The following QKI variants were observed in gnomAD, a reference collection of about 807,000 sequenced individuals.
The protein encoded by QKI is QKI, KH domain containing RNA binding, also known as KH domain-containing RNA-binding protein QKI.
In QKI, 10 loss-of-function variants were observed where a neutral mutation model predicts 39.0. That is an observed-to-expected ratio of 0.26 (90% CI 0.16 to 0.43). The LOEUF (loss-of-function observed/expected upper bound fraction) is 0.43, where lower values mean the gene tolerates loss of function less well. QKI is among the 20% of genes least tolerant of loss of function. The pLI, the probability that QKI is intolerant of heterozygous loss-of-function variation, is 1.00. For synonymous variants in QKI, 204 were observed against 155.4 expected, an observed-to-expected ratio of 1.31 and a Z score of -2.33; for missense variants, 218 against 428.0, an observed-to-expected ratio of 0.51 and a Z score of 4.33.
At chr6:163,504,737 G>A (rs1446567965) in intron 3 of QKI, among the ~76,000 whole-genome samples, 3 of 152,170 alleles carry the variant, frequency 2.0e-5, no homozygotes, top group East Asian at 3.9e-4. Context: ...ATCAGTTCCA[G>A]GAGCCTTTTG....
intron 3 of QKI, among the ~76,000 whole-genome samples, chr6:163,524,628 C>T (rs1295058349): frequency 1.3e-5 from 1 of 78,712 alleles, no homozygotes; most frequent in East Asian, 8.5e-4. Context: ...GCCACCATGC[C>T]CGGCTAATTT....
At chr6:163,554,645 T>TA (rs1782469002) in intron 4 of QKI, among the ~76,000 whole-genome samples, 1 of 152,254 alleles carries the variant, frequency 6.6e-6, no homozygotes, top group Non-Finnish European at 1.5e-5. Flanking sequence ...CCTCAATTTT[T>TA]ATCTCATTAC....
intron 3 of QKI, among the ~76,000 whole-genome samples, chr6:163,523,657 G>C (rs895476797): frequency 6.6e-6 from 1 of 152,150 alleles, no homozygotes; most frequent in Non-Finnish European, 1.5e-5. Context: ...GTAGAATTCA[G>C]AGCTACTTTG....
At chr6:163,454,048 A>G (rs7759606) in intron 1 of QKI, among the ~76,000 whole-genome samples, 11,979 of 152,252 alleles carry the variant, frequency 0.079, 535 homozygotes, top group Middle Eastern at 0.12. Context: ...TTTGGAAAGC[A>G]TACAAAATAC....
At chr6:163,459,000 C>T (rs1791146604) in intron 2 of QKI, among the ~76,000 whole-genome samples, 1 of 152,158 alleles carries the variant, frequency 6.6e-6, no homozygotes. Flanking sequence ...TGATAAAACA[C>T]TCTAAAACTG....
chr6:163,540,975 T>C (rs574672096), intron 4 of QKI, among the ~76,000 whole-genome samples: 4 of 151,972 alleles, frequency 2.6e-5, no homozygotes, highest in South Asian at 4.2e-4. Context: ...TTTTTCTCAA[T>C]TTTTTTTCTG....
At chr6:163,468,760 G>T (rs1278000203) in intron 2 of QKI, among the ~76,000 whole-genome samples, 1 of 152,106 alleles carries the variant, frequency 6.6e-6, no homozygotes, top group African/African-American at 2.4e-5. Flanking sequence ...TGTTTGAAAT[G>T]ATTTTCTTTG....
chr6:163,549,110 C>A (rs569644358), intron 4 of QKI, among the ~76,000 whole-genome samples: 1 of 151,926 alleles, frequency 6.6e-6, no homozygotes, highest in Non-Finnish European at 1.5e-5. Flanking sequence ...ACAATCATGG[C>A]GGAAGGCATC....
intron 2 of QKI, among the ~76,000 whole-genome samples, chr6:163,465,615 C>G (rs1583036457): frequency 8.4e-6 from 1 of 119,516 alleles, no homozygotes; most frequent in African/African-American, 3.4e-5. Flanking sequence ...GGCAACAGAG[C>G]AAGACTGTCT....
intron 1 of QKI, among the ~76,000 whole-genome samples, chr6:163,416,795 C>T (rs1387877669): frequency 1.3e-5 from 2 of 152,022 alleles, no homozygotes; most frequent in Non-Finnish European, 2.9e-5. Flanking sequence ...GTTGGAACAG[C>T]AAATCTGTTA....
chr6:163,442,201 C>G (rs1278531063), intron 1 of QKI, among the ~76,000 whole-genome samples: 3 of 151,888 alleles, frequency 2.0e-5, no homozygotes, highest in Non-Finnish European at 4.4e-5. Context: ...ATAAAACTGA[C>G]CTTTTCAGTA....
chr6:163,440,871 G>GTTT (rs370250672), intron 1 of QKI, among the ~76,000 whole-genome samples: 2 of 148,418 alleles, frequency 1.3e-5, no homozygotes, highest in African/African-American at 2.5e-5. Context: ...TGGTAAGACA[G>GTTT]TTTTTTTTTT....
intron 3 of QKI, among the ~76,000 whole-genome samples, chr6:163,531,251 CT>C (rs1455842207): frequency 1.3e-5 from 2 of 152,282 alleles, no homozygotes; most frequent in African/African-American, 4.8e-5. Context: ...CCTGGGTTCC[CT>C]TGCTCTGCAT....
intron 3 of QKI, among the ~76,000 whole-genome samples, chr6:163,503,146 T>A (rs1583112199): frequency 1.4e-5 from 2 of 147,898 alleles, no homozygotes; most frequent in East Asian, 2.0e-4. Flanking sequence ...TATTTTTTTT[T>A]TTTTTTTTTT....
At chr6:163,535,400 G>T (rs913353683) in intron 4 of QKI, among the ~76,000 whole-genome samples, 15 of 151,830 alleles carry the variant, frequency 9.9e-5, no homozygotes, top group African/African-American at 2.7e-4. Flanking sequence ...CTTCCTTCCC[G>T]GTTTCTCTTT....
Position 163,415,065 on chromosome 6 carries a change from A to T in QKI, c.-129A>T, listed in dbSNP as rs776833454. 1.5e-6 allele frequency: 1 copy of T among 656,332 alleles called. No individual in the cohort carries two copies. Among genetic ancestry groups the T allele is most frequent in the Non-Finnish European group, 1.8e-6 (1 of 545,584 alleles). The allele number at this position is 656,332 out of a possible 1,614,324, so 40.7% of individuals were successfully genotyped here. ...CCCCGGGGCTCGGCGCGGGAGCCAG[A>T]GCGGGAGCCGGCGCGGAGCGGGACG... On this transcript the variant is annotated 5_prime_UTR_variant, in exon 1 of 8. Transcript: ENST00000361752.
intron 1 of QKI, among the ~76,000 whole-genome samples, chr6:163,431,810 A>AG (rs1226204135): frequency 7.5e-6 from 1 of 133,838 alleles, no homozygotes; most frequent in Non-Finnish European, 1.6e-5. Context: ...TAAAAAAAAA[A>AG]AAACAAAAAA....
intron 3 of QKI, among the ~76,000 whole-genome samples, chr6:163,511,934 G>C (rs1205597390): frequency 1.3e-5 from 2 of 151,272 alleles, no homozygotes; most frequent in South Asian, 4.2e-4. Flanking sequence ...CATGGATATA[G>C]ATGTAAACAT....
intron 3 of QKI, among the ~76,000 whole-genome samples, chr6:163,533,012 T>G (rs1780957375): frequency 6.6e-6 from 1 of 152,122 alleles, no homozygotes; most frequent in African/African-American, 2.4e-5. Context: ...GGAAGGTGAA[T>G]CTGGTTCCTG....
Sources: gnomAD v4.1 joint callset for allele counts (sites outside exome capture counted in the v4.1 genomes callset) on GRCh38, gnomAD v4.1.1 for gene constraint, MANE v1.5 for transcripts, NCBI Gene and HGNC (gene_info 2026-07-23, HGNC 2026-07-21) for gene names.